Variants in TYR observed in about 807,000 individuals in gnomAD.
TYR encodes the protein tyrosinase, also known as LB24-AB.
TYR carries 58 observed loss-of-function variants against 51.5 expected under a neutral mutation model. The ratio of observed to expected loss-of-function variants is 1.13; its 90% confidence interval spans 0.91 to 1.40. The LOEUF is 1.40. Ranked by LOEUF, TYR falls within the 40% of genes most tolerant of loss-of-function variation. The pLI is 0.00. For synonymous variants in TYR, 263 were observed against 235.2 expected (o/e 1.12, Z -1.08); for missense variants, 732 against 647.4 (o/e 1.13, Z -1.42).
At chr11:89,268,861 A>G (rs1944556070) in intron 3 of TYR, among the ~76,000 whole-genome samples, 2 of 151,792 alleles carry the variant, frequency 1.3e-5, no homozygotes, top group Non-Finnish European at 2.9e-5. Context: ...TTTCAATTAC[A>G]TCAGTGCCCA....
In TYR at chr11:89,191,267, A is replaced by T; in HGVS notation, c.885A>T (p.Gly295=). The T allele has an allele frequency of 6.2e-7, 1 of 1,613,544 alleles. No individual in the cohort carries two copies. The highest frequency in any genetic ancestry group is 8.5e-7 in the Non-Finnish European group (1 of 1,179,748). The stretch of plus-strand genomic sequence containing the variant: ...CTTTATGCAATGGAACGCCCGAGGG[A>T]CCTTTACGGCGTAATCCTGGAAACC... ...HQSLCNGTPE[G]PLRRNPGNHD... Residue 295 remains glycine, a synonymous_variant, in exon 2 of 5, where the codon GGA becomes GGT. Coordinates refer to ENST00000263321, the MANE Select transcript of TYR (RefSeq NM_000372.5).
chr11:89,279,402 C>T (rs1944693965), intron 3 of TYR, among the ~76,000 whole-genome samples: 1 of 151,596 alleles, frequency 6.6e-6, no homozygotes, highest in Admixed American at 6.6e-5. Context: ...GGGACTGCTG[C>T]ACAGAGAGGT....
chr11:89,248,745 G>A (rs1199593708), intron 3 of TYR, among the ~76,000 whole-genome samples: 1 of 152,122 alleles, frequency 6.6e-6, no homozygotes, highest in African/African-American at 2.4e-5. Flanking sequence ...TAGACTGTTA[G>A]AGTGAAAACT....
chr11:89,211,538 A>G (rs1184640633), intron 2 of TYR, among the ~76,000 whole-genome samples: 1 of 152,188 alleles, frequency 6.6e-6, no homozygotes, highest in African/African-American at 2.4e-5. Flanking sequence ...TATTAGACAG[A>G]TCAATGAGAC....
intron 2 of TYR, among the ~76,000 whole-genome samples, chr11:89,203,760 A>G (rs75461957): frequency 0.018 from 2,757 of 152,254 alleles, 75 homozygotes; most frequent in African/African-American, 0.058. Flanking sequence ...CAAAAGTAAA[A>G]CAAAACAAAA....
At chr11:89,291,312 T>TG in intron 4 of TYR, among the ~76,000 whole-genome samples, 1 of 152,110 alleles carries the variant, frequency 6.6e-6, no homozygotes. Flanking sequence ...ATAGGTTAAT[T>TG]GTTGATGTAT....
At chr11:89,193,380 T>C (rs920365092) in intron 2 of TYR, among the ~76,000 whole-genome samples, 1 of 152,106 alleles carries the variant, frequency 6.6e-6, no homozygotes, top group Non-Finnish European at 1.5e-5. Flanking sequence ...GGTTTTCAAG[T>C]GAGAGTCTAA....
intron 3 of TYR, among the ~76,000 whole-genome samples, chr11:89,255,481 C>T (rs1248913991): frequency 6.6e-6 from 1 of 151,610 alleles, no homozygotes; most frequent in Non-Finnish European, 1.5e-5. Context: ...ATTTAATTGG[C>T]AATATTCCTT....
chr11:89,242,989 T>C (rs12295166), intron 3 of TYR, among the ~76,000 whole-genome samples: 37,867 of 152,202 alleles, frequency 0.25, 6,413 homozygotes, highest in Middle Eastern at 0.42. Flanking sequence ...ATTCCACCTT[T>C]GTCAGCGTGT....
chr11:89,182,351 G>GT (rs1943311503), intron 1 of TYR, among the ~76,000 whole-genome samples: 1 of 152,092 alleles, frequency 6.6e-6, no homozygotes, highest in Non-Finnish European at 1.5e-5. Flanking sequence ...ATTCACTGCA[G>GT]TTTTTTTATA....
At chr11:89,284,138 T>C (rs1322272029) in intron 3 of TYR, among the ~76,000 whole-genome samples, 1 of 151,874 alleles carries the variant, frequency 6.6e-6, no homozygotes, top group Non-Finnish European at 1.5e-5. Context: ...TGCTTATTTG[T>C]GTCACTATCT....
intron 3 of TYR, among the ~76,000 whole-genome samples, chr11:89,244,435 A>G (rs979388293): frequency 6.6e-6 from 1 of 152,148 alleles, no homozygotes; most frequent in Non-Finnish European, 1.5e-5. Context: ...CATGTATTCA[A>G]TGGCTCCTCC....
chr11:89,221,037 G>GCACAA (rs1384215791), intron 2 of TYR, among the ~76,000 whole-genome samples: 13 of 152,308 alleles, frequency 8.5e-5, no homozygotes, highest in African/African-American at 2.6e-4. Flanking sequence ...ATAATTCATT[G>GCACAA]TGATTTGTCA....
rs368042460 is a variant in TYR at position 89,208,095 on chromosome 11, C to T, written c.1036+16677C>T. Among the ~76,000 whole-genome samples, 21 of 152,142 alleles carry T rather than the reference C, an allele frequency of 1.4e-4. No individual in the cohort carries two copies. In the East Asian group the frequency reaches 2.7e-3, roughly 20 times the overall value. On this transcript the variant is annotated intron_variant, in intron 2 of 4. Coordinates refer to ENST00000263321, the MANE Select transcript of TYR (RefSeq NM_000372.5). Reference sequence around the variant, plus strand: ...CATCCTGGCTAACACAGTGAAATCCCGTCTCTACTAAAAATACAAAAAAAA... The same window carrying T: ...CATCCTGGCTAACACAGTGAAATCCTGTCTCTACTAAAAATACAAAAAAAA...
intron 3 of TYR, among the ~76,000 whole-genome samples, chr11:89,253,007 T>G (rs915033666): frequency 4.0e-5 from 6 of 151,784 alleles, no homozygotes; most frequent in Non-Finnish European, 8.9e-5. Flanking sequence ...CCAGGTTAAT[T>G]TCTCTATATT....
chr11:89,215,453 G>A (rs11828731), intron 2 of TYR, among the ~76,000 whole-genome samples: 25,805 of 151,240 alleles, frequency 0.17, 2,656 homozygotes, highest in African/African-American at 0.29. Flanking sequence ...ACACCAACAC[G>A]GCACATGTAC....
intron 3 of TYR, among the ~76,000 whole-genome samples, chr11:89,284,391 CA>C (rs952958458): frequency 6.6e-6 from 1 of 151,662 alleles, no homozygotes; most frequent in African/African-American, 2.4e-5. Flanking sequence ...GCACTGTTTC[CA>C]ATTTAGTTTT....
chr11:89,201,344 A>G (rs1406070737), intron 2 of TYR, among the ~76,000 whole-genome samples: 2 of 152,194 alleles, frequency 1.3e-5, no homozygotes, highest in African/African-American at 4.8e-5. Context: ...CCTACATTCA[A>G]GTGAAAATGA....
intron 3 of TYR, among the ~76,000 whole-genome samples, chr11:89,270,209 C>A (rs1229479958): frequency 6.6e-6 from 1 of 151,838 alleles, no homozygotes; most frequent in African/African-American, 2.4e-5. Context: ...AAGCGTAATT[C>A]TTTTCCTTCA....
Sources: gnomAD v4.1 joint callset for allele counts (sites outside exome capture counted in the v4.1 genomes callset) on GRCh38, gnomAD v4.1.1 for gene constraint, MANE v1.5 for transcripts, NCBI Gene and HGNC (gene_info 2026-07-23, HGNC 2026-07-21) for gene names.